Variants in RYR2 observed in about 807,000 individuals in gnomAD.
RYR2 encodes ryanodine receptor 2.
Under a neutral mutation model 601.1 loss-of-function variants are expected in RYR2, and 227 were observed. That is an observed-to-expected ratio of 0.38 (90% CI 0.34 to 0.42). The LOEUF is 0.42. RYR2 is among the 10% of genes least tolerant of loss of function. The pLI, the probability that RYR2 is intolerant of heterozygous loss-of-function variation, is 1.00. For missense variants in RYR2, 4,646 were observed against 6,156.5 expected, an observed-to-expected ratio of 0.75 and a Z score of 8.21; for synonymous variants, 2,223 against 2,175.1, an observed-to-expected ratio of 1.02 and a Z score of -0.61.
At chr1:237,734,877 A>C (rs1432770443) in intron 79 of RYR2, among the ~76,000 whole-genome samples, 1 of 152,216 alleles carries the variant, frequency 6.6e-6, no homozygotes, top group African/African-American at 2.4e-5. Flanking sequence ...AAGGCTTATA[A>C]ATATAGACTT....
intron 51 of RYR2, among the ~76,000 whole-genome samples, chr1:237,653,206 C>A (rs1327110456): frequency 6.6e-6 from 1 of 152,090 alleles, no homozygotes; most frequent in Non-Finnish European, 1.5e-5. Context: ...GCATCCATAA[C>A]CACCAAAGAA....
intron 25 of RYR2, among the ~76,000 whole-genome samples, chr1:237,547,457 T>C (rs1343333272): frequency 6.6e-6 from 1 of 152,232 alleles, no homozygotes; most frequent in African/African-American, 2.4e-5. Flanking sequence ...AACAACTGTA[T>C]ATGAAAAGGC....
rs2148062003 is a variant in RYR2 at position 237,042,575 on chromosome 1, C to A, written c.48+6C>A. 4.8e-6 allele frequency: 6 copies of A among 1,258,782 alleles called. No individual in the cohort carries two copies. The highest frequency in any genetic ancestry group is 6.0e-6 in the Non-Finnish European group (6 of 993,946). The allele number at this position is 1,258,782 out of a possible 1,614,324, so 78.0% of individuals were successfully genotyped here. ...AGATCCAGTTCCTGCGAACTGTAAG[C>A]GCCGTGCGTCGCGTGTGCTGTCAGG... On this transcript the variant is annotated splice_donor_region_variant and intron_variant, in intron 1 of 104. Coordinates refer to ENST00000366574, the MANE Select transcript of RYR2 (RefSeq NM_001035.3).
At chr1:237,392,847 A>G (rs1310035472) in intron 10 of RYR2, among the ~76,000 whole-genome samples, 1 of 152,178 alleles carries the variant, frequency 6.6e-6, no homozygotes, top group Non-Finnish European at 1.5e-5. Context: ...CAATGTCGAA[A>G]CTTTTTATTG....
At chr1:237,660,449 A>G (rs1209623827) in intron 55 of RYR2, among the ~76,000 whole-genome samples, 1 of 152,054 alleles carries the variant, frequency 6.6e-6, no homozygotes, top group African/African-American at 2.4e-5. Context: ...CTTCTTTGGG[A>G]AAGAAATGAG....
chr1:237,148,075 T>C lies in RYR2; in HGVS notation c.48+105506T>C, dbSNP rs542656711. 1.7e-3 allele frequency among the ~76,000 whole-genome samples: 254 copies of C among 152,346 alleles called. 2 individuals carry two copies. The highest frequency in any genetic ancestry group is 2.2e-3 in the Non-Finnish European group (152 of 68,040). On this transcript the variant is annotated intron_variant, in intron 1 of 104. Coordinates refer to ENST00000366574, the MANE Select transcript of RYR2 (RefSeq NM_001035.3). ...TTCTCCTGAAGCAAGTTCCACCGCA[T>C]GTCGTGTCACACATATATTATGGTG...
intron 2 of RYR2, among the ~76,000 whole-genome samples, chr1:237,291,353 C>T (rs2149420535): frequency 6.6e-6 from 1 of 152,244 alleles, no homozygotes; most frequent in South Asian, 2.1e-4. Context: ...GCAAATGGAA[C>T]AGCCACTTTG....
intron 56 of RYR2, among the ~76,000 whole-genome samples, chr1:237,664,930 G>A (rs1325365046): frequency 6.6e-6 from 1 of 152,204 alleles, no homozygotes; most frequent in Admixed American, 6.5e-5. Context: ...GGGAACTATG[G>A]TGTTGATAGC....
intron 102 of RYR2, among the ~76,000 whole-genome samples, chr1:237,829,728 A>G (rs1891247): frequency 0.54 from 82,225 of 151,664 alleles, 23,121 homozygotes; most frequent in African/African-American, 0.7. Flanking sequence ...CCTAAAATAC[A>G]GGGTCTCATA....
intron 1 of RYR2, among the ~76,000 whole-genome samples, chr1:237,093,913 G>A (rs573211527): frequency 6.6e-6 from 1 of 152,304 alleles, no homozygotes; most frequent in African/African-American, 2.4e-5. Context: ...GTGGTGCAGC[G>A]CAGGCTGTGG....
chr1:237,578,499 C>T (rs1673519300), intron 29 of RYR2, among the ~76,000 whole-genome samples: 1 of 152,216 alleles, frequency 6.6e-6, no homozygotes, highest in African/African-American at 2.4e-5. Flanking sequence ...CCCATTGCCG[C>T]CTTCTCTGGA....
intron 85 of RYR2, among the ~76,000 whole-genome samples, chr1:237,771,155 C>T (rs1162537081): frequency 1.3e-5 from 2 of 152,068 alleles, no homozygotes; most frequent in African/African-American, 4.8e-5. Flanking sequence ...CACCTGTAAT[C>T]CCAACACTTT....
At chr1:237,273,681 G>C (rs919549561) in intron 2 of RYR2, among the ~76,000 whole-genome samples, 1 of 151,878 alleles carries the variant, frequency 6.6e-6, no homozygotes, top group African/African-American at 2.4e-5. Flanking sequence ...TAGTCTAAAA[G>C]TAAATATAAC....
chr1:237,476,629 G>T (rs1661445258), intron 17 of RYR2, among the ~76,000 whole-genome samples: 1 of 151,106 alleles, frequency 6.6e-6, no homozygotes, highest in Non-Finnish European at 1.5e-5. Flanking sequence ...GATGGTTTAA[G>T]GCTTCCAAAG....
At chr1:237,724,184 CATATATATAT>C (rs35705894) in intron 74 of RYR2, among the ~76,000 whole-genome samples, 15,321 of 136,806 alleles carry the variant, frequency 0.11, 1,510 homozygotes, top group African/African-American at 0.27. Context: ...TGTGTGTGTG[CATATATATAT>C]ATATATATAT....
rs757028921 is a variant in RYR2 at position 237,332,706 on chromosome 1, A to C, written c.273+1724A>C. Among the ~76,000 whole-genome samples the C allele has an allele frequency of 3.9e-4, 59 of 152,160 alleles. 1 individual carries two copies. Among genetic ancestry groups the C allele is most frequent in the Non-Finnish European group, 1.8e-4 (12 of 68,024 alleles). On this transcript the variant is annotated intron_variant, in intron 3 of 104. Coordinates refer to ENST00000366574, the MANE Select transcript of RYR2 (RefSeq NM_001035.3). ...AACAACTTAGAACTAAATTGCCATAAATTTAATTTTTTTATTGTTAAGTTG... is the reference window on the plus strand; with the variant it reads ...AACAACTTAGAACTAAATTGCCATACATTTAATTTTTTTATTGTTAAGTTG...
chr1:237,481,434 C>G (rs560536516), intron 17 of RYR2, among the ~76,000 whole-genome samples: 8 of 152,306 alleles, frequency 5.3e-5, no homozygotes, highest in African/African-American at 1.9e-4. Context: ...ACAAAATTCA[C>G]TGCAAACATT....
chr1:237,718,218 A>C (rs1689420969), intron 72 of RYR2, among the ~76,000 whole-genome samples: 1 of 152,296 alleles, frequency 6.6e-6, no homozygotes, highest in Admixed American at 6.5e-5. Flanking sequence ...TATGAATTGG[A>C]AACTTGATTC....
At chr1:237,492,834 A>G in intron 18 of RYR2, 120 bp from the exon 19 acceptor site, 1 of 802,600 alleles carries the variant, frequency 1.2e-6, no homozygotes, top group South Asian at 1.8e-5. Flanking sequence ...AAAGGAAGGA[A>G]GGAAGGAAGG....
Sources: allele counts gnomAD v4.1 joint callset (sites outside exome capture counted in the v4.1 genomes callset), GRCh38; gene constraint gnomAD v4.1.1; transcripts MANE v1.5; gene names NCBI Gene and HGNC (gene_info 2026-07-23, HGNC 2026-07-21).